GABRG3: variants seen among roughly 807,000 people sequenced by gnomAD.
GABRG3 encodes the protein gamma-aminobutyric acid type A receptor subunit gamma3.
In GABRG3, 25 loss-of-function variants were observed where a neutral mutation model predicts 48.8. That is an observed-to-expected ratio of 0.51 (90% CI 0.37 to 0.72). The LOEUF (loss-of-function observed/expected upper bound fraction) is 0.72. Among genes scored for constraint, GABRG3 ranks in the 30% least tolerant of loss-of-function variants. GABRG3 has a pLI of 0.00. For synonymous variants in GABRG3, 227 were observed against 217.6 expected (o/e 1.04, Z -0.38); for missense variants, 394 against 577.9 (o/e 0.68, Z 3.26).
intron 3 of GABRG3, among the ~76,000 whole-genome samples, chr15:27,258,657 A>T (rs528439875): frequency 4.1e-4 from 62 of 152,306 alleles, no homozygotes; most frequent in African/African-American, 1.4e-3. Context: ...ATACAGAGTG[A>T]TATTCCCATA....
At chr15:27,459,399 A>G (rs1244261998) in intron 5 of GABRG3, among the ~76,000 whole-genome samples, 1 of 152,166 alleles carries the variant, frequency 6.6e-6, no homozygotes, top group African/African-American at 2.4e-5. Flanking sequence ...CACCCAAACC[A>G]TGTCATCCTC....
intron 3 of GABRG3, among the ~76,000 whole-genome samples, chr15:27,194,414 A>G (rs1207843416): frequency 6.6e-6 from 1 of 152,190 alleles, no homozygotes; most frequent in Non-Finnish European, 1.5e-5. Flanking sequence ...CTTTCAGTTT[A>G]GAGAACTTCC....
intron 3 of GABRG3, among the ~76,000 whole-genome samples, chr15:27,313,457 A>G (rs79790387): frequency 0.026 from 3,962 of 150,696 alleles, 136 homozygotes; most frequent in East Asian, 0.089. Context: ...CAAAGGAATA[A>G]TAGACTTAAA....
intron 6 of GABRG3, among the ~76,000 whole-genome samples, chr15:27,502,191 T>C (rs2150854674): frequency 6.6e-6 from 1 of 152,386 alleles, no homozygotes; most frequent in Non-Finnish European, 1.5e-5. Flanking sequence ...TTAACTAAGT[T>C]TATTTTCATT....
chr15:27,269,323 G>C (rs1357808683), intron 3 of GABRG3, among the ~76,000 whole-genome samples: 1 of 151,920 alleles, frequency 6.6e-6, no homozygotes, highest in Non-Finnish European at 1.5e-5. Flanking sequence ...CCTCCCTTAG[G>C]CCCCCTGGAC....
chr15:27,339,681 C>T (rs1454020362), intron 5 of GABRG3, among the ~76,000 whole-genome samples: 4 of 152,174 alleles, frequency 2.6e-5, no homozygotes, highest in Non-Finnish European at 5.9e-5. Context: ...GAGGGCAAAC[C>T]ACTGTACAGG....
At chr15:27,280,025 G>A (rs1891383634) in intron 3 of GABRG3, among the ~76,000 whole-genome samples, 1 of 151,892 alleles carries the variant, frequency 6.6e-6, no homozygotes, top group Non-Finnish European at 1.5e-5. Context: ...TAACAGGTTT[G>A]TTATTTATAT....
intron 5 of GABRG3, among the ~76,000 whole-genome samples, chr15:27,334,841 A>G (rs1474889622): frequency 6.6e-6 from 1 of 152,198 alleles, no homozygotes. Context: ...AAGAGTATTT[A>G]TACTTGACAC....
chr15:27,500,606 C>T (rs533641158), intron 6 of GABRG3, among the ~76,000 whole-genome samples: 11 of 152,332 alleles, frequency 7.2e-5, no homozygotes, highest in African/African-American at 2.6e-4. Context: ...GCCCCTAAGA[C>T]GCCTTTCCTG....
chr15:27,262,649 G>C (rs1890801869), intron 3 of GABRG3, among the ~76,000 whole-genome samples: 1 of 152,184 alleles, frequency 6.6e-6, no homozygotes, highest in Non-Finnish European at 1.5e-5. Context: ...ACTTTGTAGG[G>C]AAGCGTATGT....
chr15:27,203,096 A>G (rs987158859), intron 3 of GABRG3, among the ~76,000 whole-genome samples: 1 of 152,140 alleles, frequency 6.6e-6, no homozygotes, highest in Admixed American at 6.5e-5. Flanking sequence ...GGTTTTTTAC[A>G]TGGGTAAATT....
At chr15:27,318,821 C>T (rs909816150) in intron 3 of GABRG3, among the ~76,000 whole-genome samples, 1 of 152,116 alleles carries the variant, frequency 6.6e-6, no homozygotes, top group African/African-American at 2.4e-5. Context: ...GCAAGCCTCT[C>T]ATTATTGCTG....
intron 6 of GABRG3, among the ~76,000 whole-genome samples, chr15:27,488,848 A>G (rs1890279458): frequency 6.6e-6 from 1 of 152,194 alleles, no homozygotes; most frequent in African/African-American, 2.4e-5. Context: ...TAATAGTTTC[A>G]TTATTTAAAA....
At chr15:27,401,142 A>C (rs1887463821) in intron 5 of GABRG3, among the ~76,000 whole-genome samples, 1 of 152,232 alleles carries the variant, frequency 6.6e-6, no homozygotes, top group Non-Finnish European at 1.5e-5. Flanking sequence ...CAGGAATTTC[A>C]AAGTGCCATT....
At chr15:27,187,355 G>A (rs890958444) in intron 3 of GABRG3, among the ~76,000 whole-genome samples, 6 of 152,080 alleles carry the variant, frequency 3.9e-5, no homozygotes, top group African/African-American at 1.4e-4. Flanking sequence ...GTTGGGTAAT[G>A]TGATTTTTGC....
At chr15:27,039,386 A>C (rs945506596) in intron 3 of GABRG3, among the ~76,000 whole-genome samples, 2 of 152,156 alleles carry the variant, frequency 1.3e-5, no homozygotes, top group African/African-American at 4.8e-5. Flanking sequence ...GGCTTCCTGC[A>C]CTGAATAAGA....
intron 5 of GABRG3, among the ~76,000 whole-genome samples, chr15:27,467,202 G>A (rs1281162142): frequency 6.6e-6 from 1 of 152,036 alleles, no homozygotes; most frequent in Non-Finnish European, 1.5e-5. Flanking sequence ...TCACACGGAG[G>A]GAGAAACATC....
chr15:27,283,687 G>T (rs1441078649), intron 3 of GABRG3, among the ~76,000 whole-genome samples: 1 of 152,126 alleles, frequency 6.6e-6, no homozygotes, highest in Non-Finnish European at 1.5e-5. Context: ...GGACTGTATT[G>T]TCTGTGCCCA....
intron 3 of GABRG3, among the ~76,000 whole-genome samples, chr15:27,237,857 A>G (rs1230505939): frequency 6.6e-6 from 1 of 152,186 alleles, no homozygotes; most frequent in African/African-American, 2.4e-5. Context: ...AGGAAGCACC[A>G]AATTTATAGG....
Sources: gnomAD v4.1 joint callset for allele counts (sites outside exome capture counted in the v4.1 genomes callset) on GRCh38, gnomAD v4.1.1 for gene constraint, MANE v1.5 for transcripts, NCBI Gene and HGNC (gene_info 2026-07-23, HGNC 2026-07-21) for gene names.